The following ZNF644 variants were observed in gnomAD, a reference collection of about 807,000 sequenced individuals.
ZNF644 encodes zinc finger protein 644, also known as zinc finger motif enhancer binding protein 2.
A neutral mutation model predicts 108.0 loss-of-function variants in ZNF644; 20 were observed. That is an observed-to-expected ratio of 0.19 (90% CI 0.13 to 0.27). The LOEUF is 0.27. ZNF644 is among the 10% of genes least tolerant of loss of function. The probability of loss-of-function intolerance (pLI) is 1.00; values close to 1 mark genes in which losing one functional copy is unlikely to be tolerated. For missense variants in ZNF644, 1,338 were observed against 1,548.9 expected (o/e 0.86, Z 2.29); for synonymous variants, 542 against 539.1 (o/e 1.01, Z -0.08).
intron 2 of ZNF644, among the ~76,000 whole-genome samples, chr1:90,948,936 G>A (rs745317789): frequency 4.6e-5 from 7 of 152,038 alleles, no homozygotes; most frequent in Non-Finnish European, 7.4e-5. Flanking sequence ...TTAATAATCT[G>A]TCATTATAAA....
intron 1 of ZNF644, chr1:91,021,262 G>C (rs542394851): frequency 5.9e-5 from 9 of 152,968 alleles, no homozygotes; most frequent in African/African-American, 1.9e-4. Flanking sequence ...CAAACACTTC[G>C]AGCGATTTAC....
At chr1:90,962,940 C>T (rs1309063821) in intron 2 of ZNF644, among the ~76,000 whole-genome samples, 1 of 152,002 alleles carries the variant, frequency 6.6e-6, no homozygotes, top group Non-Finnish European at 1.5e-5. Flanking sequence ...TAAGAGCAAA[C>T]AATGATAAAA....
At chr1:90,921,204 C>G (rs1018037639) in intron 4 of ZNF644, among the ~76,000 whole-genome samples, 1 of 152,024 alleles carries the variant, frequency 6.6e-6, no homozygotes, top group Non-Finnish European at 1.5e-5. Flanking sequence ...TAGTTTTGTT[C>G]TGGACTGTAC....
At chr1:90,993,482 G>T (rs1336972153) in intron 1 of ZNF644, among the ~76,000 whole-genome samples, 3 of 152,098 alleles carry the variant, frequency 2.0e-5, no homozygotes, top group Non-Finnish European at 4.4e-5. Context: ...TAATCAAAAT[G>T]TTTATTGATT....
intron 4 of ZNF644, among the ~76,000 whole-genome samples, chr1:90,934,001 A>G (rs1470022642): frequency 6.6e-6 from 1 of 152,234 alleles, no homozygotes; most frequent in Non-Finnish European, 1.5e-5. Context: ...CCTGACACAT[A>G]GTAAATGTTC....
intron 1 of ZNF644, among the ~76,000 whole-genome samples, chr1:91,002,624 G>A (rs1412626056): frequency 6.6e-6 from 1 of 152,156 alleles, no homozygotes; most frequent in Non-Finnish European, 1.5e-5. Flanking sequence ...CATGGGTAAA[G>A]ACTTCATGTC....
intron 4 of ZNF644, among the ~76,000 whole-genome samples, chr1:90,929,637 A>AT (rs1052415127): frequency 4.6e-5 from 7 of 152,134 alleles, no homozygotes; most frequent in African/African-American, 9.7e-5. Flanking sequence ...TCACAATACT[A>AT]TTTTTTCTAT....
At chr1:90,959,189 A>G (rs1337097041) in intron 2 of ZNF644, among the ~76,000 whole-genome samples, 1 of 152,204 alleles carries the variant, frequency 6.6e-6, no homozygotes, top group African/African-American at 2.4e-5. Context: ...AGAAATGCAA[A>G]TCAATACTAC....
chr1:90,986,388 G>A (rs1258817961), intron 1 of ZNF644, among the ~76,000 whole-genome samples: 2 of 151,012 alleles, frequency 1.3e-5, no homozygotes, highest in Admixed American at 6.6e-5. Flanking sequence ...AGGAAGAAAC[G>A]ACAACTAAAT....
chr1:90,983,082 T>A (rs187880961), intron 1 of ZNF644, among the ~76,000 whole-genome samples: 2 of 152,132 alleles, frequency 1.3e-5, no homozygotes, highest in Non-Finnish European at 2.9e-5. Flanking sequence ...ACACTCTACA[T>A]ATCTCCTCCT....
intron 2 of ZNF644, among the ~76,000 whole-genome samples, chr1:90,971,889 C>T (rs983881338): frequency 3.3e-5 from 5 of 152,158 alleles, no homozygotes; most frequent in Non-Finnish European, 2.9e-5. Flanking sequence ...TCTCAGAACA[C>T]TTCCAAGTAT....
At chr1:90,986,033 A>G (rs527620080) in intron 1 of ZNF644, among the ~76,000 whole-genome samples, 10 of 152,050 alleles carry the variant, frequency 6.6e-5, no homozygotes, top group Non-Finnish European at 1.3e-4. Flanking sequence ...GTATGATAGA[A>G]AGTATTTTAA....
At chr1:90,957,166 C>T (rs1653835994) in intron 2 of ZNF644, among the ~76,000 whole-genome samples, 1 of 151,980 alleles carries the variant, frequency 6.6e-6, no homozygotes. Context: ...TCAAAAACCT[C>T]CCCAAATGGA....
rs568897981 is a variant in ZNF644, at chr1:90,988,660, GA to G, written c.-17-6291del. 4.6e-5 allele frequency among the ~76,000 whole-genome samples: 7 copies of G among 152,202 alleles called. No homozygotes were observed. The East Asian group carries it at 9.6e-4, about 21-fold the overall frequency. ...CATACTAAATACAAATAGTAATCAA[GA>G]CAACAATGGTGCCAGCATAAAAAGA... On this transcript the variant is annotated intron_variant, in intron 1 of 5. Transcript: ENST00000337393.
intron 2 of ZNF644, among the ~76,000 whole-genome samples, chr1:90,971,793 G>A (rs1655508039): frequency 6.6e-6 from 1 of 152,102 alleles, no homozygotes; most frequent in African/African-American, 2.4e-5. Flanking sequence ...GAGGAGAAGA[G>A]GTGAGAAGGA....
Position 90,937,930 on chromosome 1 carries a change from C to T in ZNF644, c.3243G>A (p.Glu1081=), listed in dbSNP as rs779036068. ...AHKSPICVLN[E]MMQNEEKYEK... ...CATATTTTTCTTCATTTTGCATCAT[C>T]TCATTCAGAACACAGATTGGAGATT... The change falls in exon 4 of 6, where the codon GAG becomes GAA. Residue 1081 remains glutamate (E), a synonymous_variant. Coordinates refer to ENST00000337393, the MANE Select transcript of ZNF644 (RefSeq NM_201269.3). 68 of 1,613,454 alleles carry T rather than the reference C, an allele frequency of 4.2e-5. No individual in the cohort carries two copies. In the South Asian group the frequency reaches 7.2e-4, roughly 17 times the overall value.
At chr1:90,993,075 C>T (rs1212691651) in intron 1 of ZNF644, among the ~76,000 whole-genome samples, 1 of 151,922 alleles carries the variant, frequency 6.6e-6, no homozygotes, top group Non-Finnish European at 1.5e-5. Context: ...GAAGTAGCAT[C>T]CTCTCCCTGA....
At chr1:90,988,375 G>A (rs1657322039) in intron 1 of ZNF644, among the ~76,000 whole-genome samples, 1 of 152,116 alleles carries the variant, frequency 6.6e-6, no homozygotes, top group Non-Finnish European at 1.5e-5. Context: ...ATAACACACT[G>A]CTGAAAGAAA....
intron 2 of ZNF644, among the ~76,000 whole-genome samples, chr1:90,945,411 A>G (rs2101002239): frequency 6.6e-6 from 1 of 152,246 alleles, no homozygotes; most frequent in East Asian, 1.9e-4. Context: ...CTACAGCTAT[A>G]ACTGCCTCTA....
Sources: gnomAD v4.1 joint callset for allele counts (sites outside exome capture counted in the v4.1 genomes callset) on GRCh38, gnomAD v4.1.1 for gene constraint, MANE v1.5 for transcripts, NCBI Gene and HGNC (gene_info 2026-07-23, HGNC 2026-07-21) for gene names.